The following TMPO variants were observed in gnomAD, a reference collection of about 807,000 sequenced individuals.
TMPO encodes the protein thymopoietin.
Under a neutral mutation model 45.4 loss-of-function variants are expected in TMPO, and 22 were observed. The observed-to-expected ratio is 0.48, with a 90% CI of 0.35 to 0.69. The LOEUF (loss-of-function observed/expected upper bound fraction) is 0.69, where lower values mean the gene tolerates loss of function less well. TMPO is among the 30% of genes least tolerant of loss of function. The pLI, the probability that TMPO is intolerant of heterozygous loss-of-function variation, is 0.01. For missense variants in TMPO, 512 were observed against 548.8 expected, an observed-to-expected ratio of 0.93 and a Z score of 0.67; for synonymous variants, 241 against 204.1, an observed-to-expected ratio of 1.18 and a Z score of -1.54.
At chr12:98,518,251 G>A (rs1378629589) in intron 1 of TMPO, among the ~76,000 whole-genome samples, 2 of 151,772 alleles carry the variant, frequency 1.3e-5, no homozygotes, top group African/African-American at 4.8e-5. Flanking sequence ...CTGTGCAAAA[G>A]TATTAAACCG....
chr12:98,545,879 C>T (rs1240388435), intron 7 of TMPO, among the ~76,000 whole-genome samples: 1 of 151,972 alleles, frequency 6.6e-6, no homozygotes, highest in East Asian at 1.9e-4. Context: ...ATTACGGGTG[C>T]CCGCCACCAC....
rs577431225 is a variant in TMPO at position 98,543,286 on chromosome 12, A to C, written c.664-944A>C. On this transcript the variant is annotated intron_variant, in intron 4 of 8. Coordinates refer to ENST00000556029, the MANE Select transcript of TMPO (RefSeq NM_001032283.3). ...CTACTATAATACTGATCATTGATGG[A>C]TGTTCTGTAGTTAAAAGAATTTAAA... 3.9e-5 allele frequency among the ~76,000 whole-genome samples: 6 copies of C among 152,348 alleles called. No homozygotes were observed. In the East Asian group the frequency reaches 1.2e-3, roughly 29 times the overall value.
At chr12:98,525,614 A>C (rs1382653464) in intron 1 of TMPO, among the ~76,000 whole-genome samples, 2 of 151,782 alleles carry the variant, frequency 1.3e-5, no homozygotes, top group Admixed American at 1.3e-4. Context: ...GGTGGTGCAC[A>C]CCTGTAATCC....
chr12:98,534,602 C>T, intron 3 of TMPO: 8 of 1,241,410 alleles, frequency 6.4e-6, no homozygotes, highest in Non-Finnish European at 7.1e-6. Context: ...TTTTCTGTTT[C>T]CTGCTTTACT....
chr12:98,534,798 C>T, intron 3 of TMPO: 2 of 1,004,336 alleles, frequency 2.0e-6, no homozygotes, highest in Non-Finnish European at 2.4e-6. Flanking sequence ...CGTTCCATAA[C>T]TTGTCCATAT....
At chr12:98,537,663 G>C (rs746860438) in intron 4 of TMPO, 91 bp downstream of exon 4, 1 of 951,140 alleles carries the variant, frequency 1.1e-6, no homozygotes, top group Admixed American at 2.0e-5. Flanking sequence ...TTGACACCCA[G>C]ATTCCAGCAC....
chr12:98,531,211 ATTACAGG>A (rs1359500557), intron 2 of TMPO, among the ~76,000 whole-genome samples: 1 of 139,162 alleles, frequency 7.2e-6, no homozygotes, highest in Non-Finnish European at 1.5e-5. Context: ...AGGTGCTGGG[ATTACAGG>A]CATCAGCCAC....
chr12:98,532,724 C>A, intron 3 of TMPO: 1 of 1,575,064 alleles, frequency 6.3e-7, no homozygotes, highest in Non-Finnish European at 8.7e-7. Flanking sequence ...AAATTATAGT[C>A]TTTTCCTTTG....
Position 98,547,658 on chromosome 12 carries a change from A to G in TMPO, c.1165A>G (p.Lys389Glu). 6.2e-7 allele frequency: 1 copy of G among 1,614,174 alleles called. No homozygotes were observed. Among genetic ancestry groups the G allele is most frequent in the Non-Finnish European group, 8.5e-7 (1 of 1,180,034 alleles). The change falls in exon 9 of 9, where the codon AAA (lysine) becomes GAA (glutamate). Residue 389 changes from lysine to glutamate, a missense_variant. By Grantham distance (56) the Lys-to-Glu change is moderately conservative (BLOSUM62 1). Coordinates refer to ENST00000556029, the MANE Select transcript of TMPO (RefSeq NM_001032283.3). ...DFRMEESFSSKYVPKYVPLAD... is the reference protein window; with the variant it reads ...DFRMEESFSSEYVPKYVPLAD... ...CAGGATGGAGGAGTCTTTTTCATCT[A>G]AATATGTTCCTAAGTATGTTCCCTT...
chr12:98,532,784 A>G, intron 3 of TMPO: 1 of 1,614,026 alleles, frequency 6.2e-7, no homozygotes, highest in Non-Finnish European at 8.5e-7. Flanking sequence ...GCTCAAACAC[A>G]GGTAATGCTT....
At position 98,533,820 on chromosome 12, in the gene TMPO, A is replaced by C. The variant is rs766190912; in HGVS notation, c.565+1982A>C. The C allele has an allele frequency of 2.5e-5, 40 of 1,614,086 alleles. No individual in the cohort carries two copies. The highest frequency in any genetic ancestry group is 3.1e-5 in the Non-Finnish European group (36 of 1,180,032). On this transcript the variant is annotated intron_variant, in intron 3 of 8. Coordinates refer to ENST00000556029, the MANE Select transcript of TMPO (RefSeq NM_001032283.3). ...TGCCTTCACTGGCATGCAAATATCC[A>C]GTTTCTTCCAGGGAGGCAACACAGA...
At chr12:98,547,165 T>C (rs1370725756) in intron 8 of TMPO, among the ~76,000 whole-genome samples, 2 of 149,872 alleles carry the variant, frequency 1.3e-5, no homozygotes, top group African/African-American at 4.9e-5. Flanking sequence ...AACCTCCACC[T>C]CCTGGGTTCA....
At chr12:98,539,769 T>G (rs1384026920) in intron 4 of TMPO, among the ~76,000 whole-genome samples, 3 of 152,212 alleles carry the variant, frequency 2.0e-5, no homozygotes, top group African/African-American at 4.8e-5. Flanking sequence ...CTACCGCACC[T>G]GGCAATAAAT....
Position 98,544,439 on chromosome 12 carries a change from C to T in TMPO, c.784-3C>T. 1 of 1,613,478 alleles carries T rather than the reference C, an allele frequency of 6.2e-7. No individual in the cohort carries two copies. The highest frequency in any genetic ancestry group is 8.5e-7 in the Non-Finnish European group (1 of 1,179,570). Reference sequence around the variant, plus strand: ...TGTTTTTGTTTTGTTTTCAAACTAACAGGTGGAAACTTCAGAACATTTTCG... The same window carrying T: ...TGTTTTTGTTTTGTTTTCAAACTAATAGGTGGAAACTTCAGAACATTTTCG... On this transcript the variant is annotated splice_region_variant and splice_polypyrimidine_tract_variant and intron_variant, in intron 5 of 8. Coordinates refer to ENST00000556029, the MANE Select transcript of TMPO (RefSeq NM_001032283.3).
chr12:98,533,424 G>A (rs1308280644), intron 3 of TMPO: 3 of 1,614,134 alleles, frequency 1.9e-6, no homozygotes. Flanking sequence ...TCCAGGGTGG[G>A]GTAGGTAGTT....
At position 98,516,116 on chromosome 12, in the gene TMPO, C is replaced by G. The variant is rs747943302; in HGVS notation, c.249C>G (p.Ala83=). 14 of 1,525,930 alleles carry G rather than the reference C, an allele frequency of 9.2e-6. No homozygotes were observed. Among genetic ancestry groups the G allele is most frequent in the Non-Finnish European group, 1.2e-5 (14 of 1,145,108 alleles). 94.5% of individuals were successfully genotyped at this position (1,525,930 alleles called of 1,614,324 possible). A position where few individuals can be genotyped will look rare whatever the true frequency, so the allele number is the denominator to read the frequency against. ...CGGTCCTCGGCTCTGGGGCCGCCGC[C>G]GCGGGCCGGAGCCGAGCAGCCGTCG... ...PTPVLGSGAA[A]AGRSRAAVGR... Residue 83 remains alanine (A), a synonymous_variant, in exon 1 of 9, where the codon GCC becomes GCG. Transcript: ENST00000556029.
In TMPO at chr12:98,534,016, G is replaced by A. The variant is rs1343917914; in HGVS notation, c.565+2178G>A. 16 of 1,607,980 alleles carry A rather than the reference G, an allele frequency of 1.0e-5. No individual in the cohort carries two copies. Among genetic ancestry groups the A allele is most frequent in the Non-Finnish European group, 1.1e-5 (13 of 1,175,384 alleles). On this transcript the variant is annotated intron_variant, in intron 3 of 8. Transcript: ENST00000556029. Reference sequence around the variant, plus strand: ...AGCATTGCAGATTGCAACTCACACTGCCTTTGTAGCTAAGGCTATGCAGGC... The same window carrying A: ...AGCATTGCAGATTGCAACTCACACTACCTTTGTAGCTAAGGCTATGCAGGC...
intron 1 of TMPO, among the ~76,000 whole-genome samples, chr12:98,518,550 A>G (rs893782538): frequency 6.8e-6 from 1 of 146,102 alleles, no homozygotes; most frequent in Non-Finnish European, 1.5e-5. Context: ...GCCTCAAGCA[A>G]TCCTGCCTCA....
chr12:98,533,920 G>GCAGCCTCCACTGAGTCTTGCAAT, intron 3 of TMPO: 1 of 1,614,116 alleles, frequency 6.2e-7, no homozygotes. Context: ...AGGTATTCAA[G>GCAGCCTCCACTGAGTCTTGCAAT]CAGCCTCCAC....
Sources: allele counts gnomAD v4.1 joint callset (sites outside exome capture counted in the v4.1 genomes callset), GRCh38; gene constraint gnomAD v4.1.1; transcripts MANE v1.5; gene names NCBI Gene and HGNC (gene_info 2026-07-23, HGNC 2026-07-21).